ZMYND8: variants seen among roughly 807,000 people sequenced by gnomAD.
The protein encoded by ZMYND8 is zinc finger MYND-type containing 8.
A neutral mutation model predicts 140.8 loss-of-function variants in ZMYND8; 37 were observed. That is an observed-to-expected ratio of 0.26 (90% CI 0.20 to 0.35). ZMYND8 has a LOEUF of 0.35. Ranked by LOEUF, ZMYND8 falls within the 10% of genes least tolerant of loss-of-function variation. The pLI is 1.00. For missense variants in ZMYND8, 1,068 were observed against 1,570.0 expected, an observed-to-expected ratio of 0.68 and a Z score of 5.40; for synonymous variants, 592 against 597.1, an observed-to-expected ratio of 0.99 and a Z score of 0.12.
At position 47,285,048 on chromosome 20, in the gene ZMYND8, C is replaced by A. The variant is rs6018393; in HGVS notation, c.805-1400G>T. Among the ~76,000 whole-genome samples, 780 of 152,182 alleles carry A rather than the reference C, an allele frequency of 5.1e-3. 8 individuals are homozygous for A. Among genetic ancestry groups the A allele is most frequent in the African/African-American group, 0.017 (704 of 41,506 alleles). ...GTGTGCTGGTATCATTCTAAGAATT[C>A]TGTAAGTATTAACTCATTGTATTCC... is the stretch of plus-strand genomic sequence containing the variant. On this transcript the variant is annotated intron_variant, in intron 8 of 22. Coordinates refer to ENST00000471951, the MANE Select transcript of ZMYND8 (RefSeq NM_001281775.3).
At chr20:47,259,730 G>A (rs1407916635) in intron 12 of ZMYND8, among the ~76,000 whole-genome samples, 4 of 152,062 alleles carry the variant, frequency 2.6e-5, no homozygotes, top group Non-Finnish European at 5.9e-5. Context: ...CCCCTGACTC[G>A]CAACCTCAGT....
In ZMYND8 at chr20:47,227,384, G is replaced by A. The variant is rs558347500; in HGVS notation, c.2938-103C>T. ...TGGCTGTGAGGGGTATGGGAATCATGCTAACCTTCCCACAGCTATAGTCCA... is the reference window on the plus strand; with the variant it reads ...TGGCTGTGAGGGGTATGGGAATCATACTAACCTTCCCACAGCTATAGTCCA... On this transcript the variant is annotated intron_variant, in intron 17 of 22. Transcript: ENST00000471951. 372 of 1,074,294 alleles carry A rather than the reference G, an allele frequency of 3.5e-4. 6 individuals carry two copies. In the South Asian group the frequency reaches 4.5e-3, roughly 13 times the overall value. 66.5% of individuals were successfully genotyped at this position (1,074,294 alleles called of 1,614,324 possible).
At position 47,238,923 on chromosome 20, in the gene ZMYND8, C is replaced by T; in HGVS notation, c.2500G>A (p.Val834Met). ...PLLPKETAPA[V>M]QRVVWNSSSK... ...GATGAGTTCCACACGACCCGCTGCA[C>T]GGCCGGGGCAGTCTCCTTCGGTAAA... The change falls in exon 15 of 23, where the codon GTG becomes ATG. Residue 834 changes from valine to methionine, a missense_variant. Coordinates refer to ENST00000471951, the MANE Select transcript of ZMYND8 (RefSeq NM_001281775.3). 6.2e-7 allele frequency: 1 copy of T among 1,614,160 alleles called. No homozygotes were observed. The highest frequency in any genetic ancestry group is 1.7e-5 in the Admixed American group (1 of 60,034).
intron 12 of ZMYND8, among the ~76,000 whole-genome samples, chr20:47,256,543 C>T (rs893975656): frequency 3.3e-5 from 5 of 152,142 alleles, no homozygotes; most frequent in Admixed American, 2.0e-4. Context: ...TGGTGTGAAC[C>T]CAGGAGGCGG....
intron 18 of ZMYND8, among the ~76,000 whole-genome samples, chr20:47,224,772 GA>G (rs1407626291): frequency 6.6e-6 from 1 of 152,202 alleles, no homozygotes; most frequent in Admixed American, 6.5e-5. Context: ...GAGTGGACAT[GA>G]GGTGCCCAGC....
intron 11 of ZMYND8, among the ~76,000 whole-genome samples, chr20:47,273,286 C>T (rs1378726379): frequency 1.3e-5 from 2 of 152,112 alleles, no homozygotes; most frequent in Non-Finnish European, 2.9e-5. Flanking sequence ...AATTTAAATT[C>T]CAGTGTCTGG....
intron 21 of ZMYND8, among the ~76,000 whole-genome samples, chr20:47,215,507 C>CTT (rs35634467): frequency 1.1e-4 from 16 of 144,022 alleles, no homozygotes; most frequent in Middle Eastern, 3.6e-3. Context: ...AATGAAACAA[C>CTT]TTTTTTTTTT....
At chr20:47,260,503 C>T (rs576304001) in intron 12 of ZMYND8, among the ~76,000 whole-genome samples, 66 of 151,904 alleles carry the variant, frequency 4.3e-4, no homozygotes, top group African/African-American at 1.4e-3. Flanking sequence ...TAATCCTAAC[C>T]CTAGAGCCTT....
chr20:47,245,985 T>A (rs774335222), intron 14 of ZMYND8, 23 bp downstream of exon 14: 9 of 1,550,206 alleles, frequency 5.8e-6, no homozygotes, highest in Non-Finnish European at 3.5e-6. Context: ...TTAAGAAAAC[T>A]GGAAACAGAT....
At chr20:47,265,514 C>T (rs2075455802) in intron 11 of ZMYND8, among the ~76,000 whole-genome samples, 1 of 152,230 alleles carries the variant, frequency 6.6e-6, no homozygotes, top group Non-Finnish European at 1.5e-5. Flanking sequence ...GATCTCAGCT[C>T]ACTGCAACCT....
intron 22 of ZMYND8, among the ~76,000 whole-genome samples, chr20:47,211,866 A>C (rs756458555): frequency 1.4e-4 from 21 of 152,266 alleles, no homozygotes; most frequent in Non-Finnish European, 2.6e-4. Flanking sequence ...CCTGGTAAAA[A>C]GGCATGTGTG....
rs1240904779 is a variant in ZMYND8, at chr20:47,209,308, T to C, written c.*1453A>G. 3 of 152,046 alleles carry C rather than the reference T, an allele frequency of 2.0e-5. No individual in the cohort carries two copies. Among genetic ancestry groups the C allele is most frequent in the African/African-American group, 4.8e-5 (2 of 41,400 alleles). 9.4% of individuals were successfully genotyped at this position (152,046 alleles called of 1,614,324 possible). A position where few individuals can be genotyped will look rare whatever the true frequency, so the allele number is the denominator to read the frequency against. On this transcript the variant is annotated 3_prime_UTR_variant, in exon 23 of 23. Transcript: ENST00000471951. The stretch of plus-strand genomic sequence containing the variant: ...GAACGGGCAAACCCAAAAAAGCATA[T>C]AGTGTGAGTCTACTGGCTCAGTCAC...
intron 7 of ZMYND8, 29 bp from the exon 8 acceptor site, chr20:47,287,313 C>A (rs1478157074): frequency 1.3e-6 from 2 of 1,592,582 alleles, no homozygotes; most frequent in Admixed American, 3.3e-5. Flanking sequence ...AGGATTAATT[C>A]TAATGGAAAT....
intron 10 of ZMYND8, among the ~76,000 whole-genome samples, chr20:47,278,131 A>G (rs976768695): frequency 6.6e-5 from 10 of 152,114 alleles, no homozygotes; most frequent in African/African-American, 2.4e-4. Context: ...GCCACAACAC[A>G]CCCAGATAAT....
At chr20:47,313,037 A>G (rs930589186) in intron 2 of ZMYND8, among the ~76,000 whole-genome samples, 3 of 152,028 alleles carry the variant, frequency 2.0e-5, no homozygotes, top group Admixed American at 2.0e-4. Context: ...ACTTGAAACA[A>G]ACGTCTGCAA....
At chr20:47,243,894 C>T (rs1287794956) in intron 14 of ZMYND8, among the ~76,000 whole-genome samples, 1 of 152,206 alleles carries the variant, frequency 6.6e-6, no homozygotes. Flanking sequence ...CAGAGACAGT[C>T]TCTCAAAACC....
chr20:47,303,205 G>C (rs1245882348), intron 3 of ZMYND8, among the ~76,000 whole-genome samples: 1 of 152,098 alleles, frequency 6.6e-6, no homozygotes, highest in East Asian at 1.9e-4. Flanking sequence ...CAGCAGGAAG[G>C]GGAAGAGAGG....
chr20:47,324,438 G>C (rs2080243173), intron 2 of ZMYND8, among the ~76,000 whole-genome samples: 1 of 152,118 alleles, frequency 6.6e-6, no homozygotes, highest in South Asian at 2.1e-4. Flanking sequence ...AGAATCGCTT[G>C]AACCTGGGAG....
intron 14 of ZMYND8, among the ~76,000 whole-genome samples, chr20:47,240,849 C>T (rs1009379448): frequency 1.3e-5 from 2 of 151,788 alleles, no homozygotes; most frequent in African/African-American, 2.4e-5. Context: ...CCAACGTGCC[C>T]GGCCTATTTT....
Sources: allele counts gnomAD v4.1 joint callset (sites outside exome capture counted in the v4.1 genomes callset), GRCh38; gene constraint gnomAD v4.1.1; transcripts MANE v1.5; gene names NCBI Gene and HGNC (gene_info 2026-07-23, HGNC 2026-07-21).